The following CAMTA1 variants were observed in gnomAD, a reference collection of about 807,000 sequenced individuals.
The protein encoded by CAMTA1 is calmodulin-binding transcription activator 1.
In CAMTA1, 27 loss-of-function variants were observed where a neutral mutation model predicts 170.9. The ratio of observed to expected loss-of-function variants is 0.16; its 90% CI spans 0.12 to 0.22. The LOEUF (loss-of-function observed/expected upper bound fraction) is 0.22, where lower values mean the gene tolerates loss of function less well. Ranked by LOEUF, CAMTA1 falls within the 10% of genes least tolerant of loss-of-function variation. The pLI is 1.00. For synonymous variants in CAMTA1, 833 were observed against 891.5 expected, an observed-to-expected ratio of 0.93 and a Z score of 1.17; for missense variants, 1,619 against 2,217.2, an observed-to-expected ratio of 0.73 and a Z score of 5.42.
intron 3 of CAMTA1, among the ~76,000 whole-genome samples, chr1:6,890,044 GA>G (rs1674177948): frequency 2.0e-5 from 3 of 152,166 alleles, no homozygotes; most frequent in Non-Finnish European, 4.4e-5. Context: ...TGATTTTAAA[GA>G]GCAGTTCCAT....
At position 7,732,810 on chromosome 1, in the gene CAMTA1, G is replaced by A. The variant is rs1380031321; in HGVS notation, c.3066+211G>A. Among the ~76,000 whole-genome samples, 1 of 152,134 alleles carries A rather than the reference G, an allele frequency of 6.6e-6. No individual in the cohort carries two copies. The highest frequency in any genetic ancestry group is 1.5e-5 in the Non-Finnish European group (1 of 68,020). ...CCTTGGAATGTGGAGCTTCTCAGTT[G>A]TTTACCCCCCTAATCCTTAAGTTAT... On this transcript the variant is annotated intron_variant, in intron 12 of 22. Transcript: ENST00000303635. This position sits in a 1 kb window ranked among gnomAD's most constrained non-coding sequence, Gnocchi z 4.1.
At chr1:7,698,316 TAAG>T (rs1488298943) in intron 11 of CAMTA1, 6 of 152,246 alleles carry the variant, frequency 3.9e-5, no homozygotes, top group South Asian at 2.1e-4. Flanking sequence ...CATAATGTTT[TAAG>T]AAGGTTTACG....
chr1:7,704,018 G>A lies in CAMTA1; in HGVS notation c.2914+26285G>A, dbSNP rs1160545588. Among the ~76,000 whole-genome samples the A allele has an allele frequency of 6.6e-5, 10 of 151,862 alleles. No individual in the cohort carries two copies. The South Asian group carries it at 1.7e-3, about 25-fold the overall frequency. Reference sequence around the variant, plus strand: ...CCCCCTCCCCAAAGCCGGAGCCGCCGCCACCGTCCCCGCCCACCGTCCTCC... The same window carrying A: ...CCCCCTCCCCAAAGCCGGAGCCGCCACCACCGTCCCCGCCCACCGTCCTCC... On this transcript the variant is annotated intron_variant, in intron 11 of 22. Transcript: ENST00000303635.
intron 5 of CAMTA1, among the ~76,000 whole-genome samples, chr1:7,359,178 G>C (rs1010067821): frequency 6.6e-6 from 1 of 152,198 alleles, no homozygotes; most frequent in Non-Finnish European, 1.5e-5. Context: ...TATCAGTCAT[G>C]GGTACCAGGT....
At chr1:6,844,825 G>A (rs977519167) in intron 3 of CAMTA1, among the ~76,000 whole-genome samples, 5 of 151,890 alleles carry the variant, frequency 3.3e-5, no homozygotes, top group African/African-American at 9.7e-5. Context: ...GAATACATAC[G>A]ATCAGATTCT....
At chr1:7,389,416 A>C (rs2088434558) in intron 5 of CAMTA1, 1 of 152,368 alleles carries the variant, frequency 6.6e-6, no homozygotes, top group African/African-American at 2.4e-5. Flanking sequence ...CACTGTGTGA[A>C]CACGACCCTG....
intron 5 of CAMTA1, among the ~76,000 whole-genome samples, chr1:7,316,648 C>T (rs1677552089): frequency 6.6e-6 from 1 of 152,198 alleles, no homozygotes; most frequent in Non-Finnish European, 1.5e-5. Flanking sequence ...GCCCAGCAAT[C>T]TGCTAGACTG....
chr1:7,717,424 A>G (rs1347193796), intron 11 of CAMTA1, among the ~76,000 whole-genome samples: 3 of 152,120 alleles, frequency 2.0e-5, no homozygotes, highest in East Asian at 3.9e-4. Context: ...GTTGTATGCA[A>G]TAAATACGTA....
intron 3 of CAMTA1, among the ~76,000 whole-genome samples, chr1:6,976,194 C>T (rs1031013281): frequency 2.0e-5 from 3 of 152,216 alleles, no homozygotes; most frequent in Non-Finnish European, 4.4e-5. Flanking sequence ...CTGAGTCTTT[C>T]TTGGGCTTCT....
intron 6 of CAMTA1, among the ~76,000 whole-genome samples, chr1:7,598,933 C>T (rs2095420666): frequency 6.6e-6 from 1 of 152,282 alleles, no homozygotes; most frequent in East Asian, 1.9e-4. Flanking sequence ...TGCAGAAGCT[C>T]TTTAGTTTAA....
At chr1:7,189,471 G>A (rs1654107836) in intron 4 of CAMTA1, among the ~76,000 whole-genome samples, 1 of 152,158 alleles carries the variant, frequency 6.6e-6, no homozygotes, top group Non-Finnish European at 1.5e-5. Flanking sequence ...AGTAGGCTAA[G>A]GACATGAATA....
intron 6 of CAMTA1, among the ~76,000 whole-genome samples, chr1:7,528,796 A>AGGATGGAT (rs1373306195): frequency 9.1e-5 from 12 of 131,450 alleles, no homozygotes; most frequent in African/African-American, 3.5e-4. Context: ...AAGGAATGAA[A>AGGATGGAT]GGATGGATGA....
Position 6,802,533 on chromosome 1 carries a change from C to T in CAMTA1, c.45+16958C>T, listed in dbSNP as rs144822010. On this transcript the variant is annotated intron_variant, in intron 1 of 22. Coordinates refer to ENST00000303635, the MANE Select transcript of CAMTA1 (RefSeq NM_015215.4). ...GGGGTCCTGGCACCTCAAACTCTGT[C>T]CCCATCAAACAGTGTAAAAGAAAAG... 4.6e-5 allele frequency among the ~76,000 whole-genome samples: 7 copies of T among 152,276 alleles called. No homozygotes were observed. In the East Asian group the frequency reaches 1.4e-3, roughly 29 times the overall value.
intron 6 of CAMTA1, among the ~76,000 whole-genome samples, chr1:7,601,030 A>G (rs1157114688): frequency 6.6e-6 from 1 of 152,114 alleles, no homozygotes; most frequent in East Asian, 1.9e-4. Context: ...GGCTGGGCAG[A>G]GGGGCTCCTC....
chr1:7,347,518 CTAA>C (rs1330224908), intron 5 of CAMTA1, among the ~76,000 whole-genome samples: 1 of 152,248 alleles, frequency 6.6e-6, no homozygotes, highest in African/African-American at 2.4e-5. Flanking sequence ...TTGCAGGGAG[CTAA>C]GCCTTCCTTG....
chr1:7,322,275 G>A (rs1249414081), intron 5 of CAMTA1, among the ~76,000 whole-genome samples: 1 of 152,176 alleles, frequency 6.6e-6, no homozygotes, highest in African/African-American at 2.4e-5. Flanking sequence ...AGGCTCCCTG[G>A]CTTTCTCATT....
intron 3 of CAMTA1, among the ~76,000 whole-genome samples, chr1:6,923,504 G>T (rs926624946): frequency 1.1e-4 from 17 of 152,236 alleles, no homozygotes; most frequent in African/African-American, 3.1e-4. Flanking sequence ...AAGCCACGAG[G>T]CCCAGCCCCT....
chr1:6,943,188 G>A lies in CAMTA1; in HGVS notation c.234+117978G>A, dbSNP rs534417806. On this transcript the variant is annotated intron_variant, in intron 3 of 22. Coordinates refer to ENST00000303635, the MANE Select transcript of CAMTA1 (RefSeq NM_015215.4). ...CGGCCCTCCTCCCCTCCTCCCCTCC[G>A]TCCTTCCTCCCCTCTTCTCCTCCTC... Among the ~76,000 whole-genome samples the A allele has an allele frequency of 7.3e-5, 11 of 150,834 alleles. No individual in the cohort carries two copies. The South Asian group carries it at 1.9e-3, about 26-fold the overall frequency.
chr1:7,472,483 G>A (rs1300410647), intron 6 of CAMTA1, among the ~76,000 whole-genome samples: 2 of 152,138 alleles, frequency 1.3e-5, no homozygotes, highest in South Asian at 2.1e-4. Context: ...AACAGCCTCC[G>A]AGAAGCTCCA....
Sources: allele counts gnomAD v4.1 joint callset (sites outside exome capture counted in the v4.1 genomes callset), GRCh38; gene constraint gnomAD v4.1.1; non-coding constraint Gnocchi (gnomAD v3.1); transcripts MANE v1.5; gene names NCBI Gene and HGNC (gene_info 2026-07-23, HGNC 2026-07-21).